The following ESAM variants were observed in gnomAD, a reference collection of about 807,000 sequenced individuals.
ESAM encodes the protein endothelial cell adhesion molecule, also known as endothelial cell-selective adhesion molecule.
In ESAM, 23 loss-of-function variants were observed where a neutral mutation model predicts 31.8. The ratio of observed to expected loss-of-function variants is 0.72; its 90% CI spans 0.52 to 1.03. The LOEUF is 1.03. ESAM is among the 50% of genes least tolerant of loss of function. ESAM has a pLI of 0.00. For synonymous variants in ESAM, 216 were observed against 207.2 expected (o/e 1.04, Z -0.37); for missense variants, 478 against 488.9 (o/e 0.98, Z 0.21).
intron 2 of ESAM, 28 bp downstream of exon 2, chr11:124,758,321 C>T (rs374197975): frequency 3.7e-6 from 6 of 1,613,754 alleles, no homozygotes; most frequent in Non-Finnish European, 5.1e-6. Context: ...CGCAACTTGC[C>T]GCTGGCTGAC....
chr11:124,761,683 C>T (rs1051790498), intron 1 of ESAM, among the ~76,000 whole-genome samples: 5 of 150,872 alleles, frequency 3.3e-5, no homozygotes, highest in Non-Finnish European at 7.4e-5. Flanking sequence ...TCCTCATCAG[C>T]TTGTATGTGG....
intron 1 of ESAM, 104 bp downstream of exon 1, chr11:124,761,981 G>A (rs1944235668): frequency 1.0e-6 from 1 of 1,002,322 alleles, no homozygotes; most frequent in East Asian, 2.8e-5. Flanking sequence ...GGAGGAGGGC[G>A]AGTCGTGGGA....
At chr11:124,761,468 T>G (rs1040286442) in intron 1 of ESAM, among the ~76,000 whole-genome samples, 2 of 150,740 alleles carry the variant, frequency 1.3e-5, no homozygotes, top group East Asian at 2.0e-4. Flanking sequence ...GGGGGTGGGG[T>G]GGTCACAATT....
rs1372297386 is a variant in ESAM, at chr11:124,759,662, G to C, written c.71-1135C>G. Among the ~76,000 whole-genome samples, 1 of 152,252 alleles carries C rather than the reference G, an allele frequency of 6.6e-6. No individual in the cohort carries two copies. Among genetic ancestry groups the C allele is most frequent in the East Asian group, 1.9e-4 (1 of 5,186 alleles). On this transcript the variant is annotated intron_variant, in intron 1 of 6. Transcript: ENST00000278927. This position sits in a 1 kb window ranked among gnomAD's most constrained non-coding sequence, Gnocchi z 6.8. ...GGCTGGGAGCCGATCCGGCCAGGAT[G>C]CAAGCCTCCCCCACCGCTTCCCGGC... is the stretch of plus-strand genomic sequence containing the variant.
Position 124,759,416 on chromosome 11 carries a change from A to T in ESAM, c.71-889T>A, listed in dbSNP as rs1244424816. On this transcript the variant is annotated intron_variant, in intron 1 of 6. Transcript: ENST00000278927. The surrounding 1 kb of genome is among the most constrained non-coding windows in gnomAD (Gnocchi z 6.8). Reference sequence around the variant, plus strand: ...GGAGGCAACAGAGCAGCCAACTGGTAAGCCCTTTGGGGAATAACCTTGGGC... The same window carrying T: ...GGAGGCAACAGAGCAGCCAACTGGTTAGCCCTTTGGGGAATAACCTTGGGC... 3.3e-5 allele frequency: 5 copies of T among 152,364 alleles called. No individual in the cohort carries two copies. Among genetic ancestry groups the T allele is most frequent in the African/African-American group, 1.2e-4 (5 of 41,472 alleles). 9.4% of individuals were successfully genotyped at this position (152,364 alleles called of 1,614,324 possible).
chr11:124,758,937 A>G (rs1405865696), intron 1 of ESAM, among the ~76,000 whole-genome samples: 6 of 152,090 alleles, frequency 3.9e-5, no homozygotes, highest in East Asian at 1.9e-4. Flanking sequence ...CCTGAGGGAG[A>G]GTAGGGATGC....
In ESAM at chr11:124,754,731, G is replaced by T; in HGVS notation, c.640C>A (p.Leu214Ile). 6.2e-7 allele frequency: 1 copy of T among 1,614,076 alleles called. No individual in the cohort carries two copies. Among genetic ancestry groups the T allele is most frequent in the South Asian group, 1.1e-5 (1 of 91,072 alleles). Residue 214 changes from leucine (L) to isoleucine (I), a missense_variant, in exon 5 of 7, where the codon CTT (leucine) becomes ATT (isoleucine). Coordinates refer to ENST00000278927, the MANE Select transcript of ESAM (RefSeq NM_138961.3). This position sits in a 1 kb window ranked among gnomAD's most constrained non-coding sequence, Gnocchi z 4.5. The stretch of plus-strand genomic sequence containing the variant: ...TAGACTCCAGCCATGGAAGACGAAA[G>T]GTTGGTGAGGCTTAAAGACCCACGG... Reference protein sequence around the residue: ...VIRGSLSLTNLSSSMAGVYVC... With the variant: ...VIRGSLSLTNISSSMAGVYVC...
chr11:124,754,901 T>A lies in ESAM; in HGVS notation c.608-138A>T. 8.5e-7 allele frequency: 1 copy of A among 1,171,556 alleles called. No homozygotes were observed. Among genetic ancestry groups the A allele is most frequent in the Non-Finnish European group, 1.2e-6 (1 of 856,532 alleles). 72.6% of individuals were successfully genotyped at this position (1,171,556 alleles called of 1,614,324 possible). Reference sequence around the variant, plus strand: ...GTCTATTCCCTGATGGGGGGAGAGGTGTGACAGCTGGGCTTGGCTCCCAGC... The same window carrying A: ...GTCTATTCCCTGATGGGGGGAGAGGAGTGACAGCTGGGCTTGGCTCCCAGC... On this transcript the variant is annotated intron_variant, in intron 4 of 6. Transcript: ENST00000278927. This position sits in a 1 kb window ranked among gnomAD's most constrained non-coding sequence, Gnocchi z 4.5.
In ESAM at chr11:124,753,675, C is replaced by G; in HGVS notation, c.1144G>C (p.Ala382Pro). 2 of 1,613,852 alleles carry G rather than the reference C, an allele frequency of 1.2e-6. No homozygotes were observed. The highest frequency in any genetic ancestry group is 2.2e-5 in the South Asian group (2 of 91,086). ...RMGAVPVMVP[A>P]QSQAGSLV ...ACCAGAGAGCCAGCTTGACTCTGGG[C>G]AGGCACCATCACAGGCACAGCACCC... The change falls in exon 7 of 7, where the codon GCC becomes CCC. Residue 382 changes from alanine (A) to proline (P), a missense_variant. Physicochemically the swap from Ala to Pro is conservative, Grantham distance 27. Coordinates refer to ENST00000278927, the MANE Select transcript of ESAM (RefSeq NM_138961.3).
Position 124,754,350 on chromosome 11 carries a change from G to A in ESAM, c.731-10C>T, listed in dbSNP as rs1387194427. 2 of 1,613,520 alleles carry A rather than the reference G, an allele frequency of 1.2e-6. No individual in the cohort carries two copies. Among genetic ancestry groups the A allele is most frequent in the Admixed American group, 3.3e-5 (2 of 59,960 alleles). ...ACTGCAGCTCCAGGCCCTGGAAAAG[G>A]CGTCGTGTCAGAGGAGGACACCCAG... is the stretch of plus-strand genomic sequence containing the variant. On this transcript the variant is annotated splice_polypyrimidine_tract_variant and intron_variant, in intron 5 of 6. Transcript: ENST00000278927. This position sits in a 1 kb window ranked among gnomAD's most constrained non-coding sequence, Gnocchi z 4.5.
Position 124,754,354 on chromosome 11 carries a change from C to T in ESAM, c.731-14G>A, listed in dbSNP as rs374024031. 35 of 1,613,252 alleles carry T rather than the reference C, an allele frequency of 2.2e-5. No individual in the cohort carries two copies. In the East Asian group the frequency reaches 5.1e-4, roughly 24 times the overall value. On this transcript the variant is annotated splice_polypyrimidine_tract_variant and intron_variant, in intron 5 of 6. Transcript: ENST00000278927. This position sits in a 1 kb window ranked among gnomAD's most constrained non-coding sequence, Gnocchi z 4.5. ...CAGCTCCAGGCCCTGGAAAAGGCGT[C>T]GTGTCAGAGGAGGACACCCAGCTGA...
Position 124,756,339 on chromosome 11 carries a change from G to A in ESAM, c.475C>T (p.Arg159Cys), listed in dbSNP as rs377500728. 51 of 1,608,424 alleles carry A rather than the reference G, an allele frequency of 3.2e-5. No homozygotes were observed. Among genetic ancestry groups the A allele is most frequent in the East Asian group, 2.5e-4 (11 of 44,786 alleles). ...VLVPPAPPSC[R>C]LQGVPHVGAN... Reference sequence around the variant, plus strand: ...CCCACATGGGGCACACCCTGGAGACGGCAGGATGGAGGAGCTGGAGGAACT... The same window carrying A: ...CCCACATGGGGCACACCCTGGAGACAGCAGGATGGAGGAGCTGGAGGAACT... The change falls in exon 4 of 7, where the codon CGT becomes TGT. Residue 159 changes from arginine to cysteine, a missense_variant. Arg to Cys is a radical substitution (Grantham distance 180). Transcript: ENST00000278927.
intron 2 of ESAM, 182 bp from the exon 3 acceptor site, chr11:124,756,924 C>T: frequency 1.6e-6 from 1 of 623,748 alleles, no homozygotes; most frequent in Non-Finnish European, 2.8e-6. Context: ...GCCCCTGGGT[C>T]CTCTTCACCA....
In ESAM at chr11:124,759,917, G is replaced by A. The variant is rs1944206667; in HGVS notation, c.71-1390C>T. On this transcript the variant is annotated intron_variant, in intron 1 of 6. Coordinates refer to ENST00000278927, the MANE Select transcript of ESAM (RefSeq NM_138961.3). This position sits in a 1 kb window ranked among gnomAD's most constrained non-coding sequence, Gnocchi z 6.8. ...CCGCTGGCCATTCCGCTGAGGCCGG[G>A]CACGCCTGGAGCCTGCAGGTGCTGC... Among the ~76,000 whole-genome samples the A allele has an allele frequency of 6.6e-6, 1 of 152,214 alleles. No homozygotes were observed.
intron 4 of ESAM, among the ~76,000 whole-genome samples, chr11:124,755,949 CACTAGAAGAGCTGGAATTTGA>C (rs1944147718): frequency 6.6e-6 from 1 of 152,162 alleles, no homozygotes; most frequent in East Asian, 1.9e-4. Context: ...CACAGCTAGT[CACTAGAAGAGCTGGAATTTGA>C]ACACAGACAC....
chr11:124,758,612 G>A (rs1944186785), intron 1 of ESAM, 85 bp from the exon 2 acceptor site: 1 of 1,408,502 alleles, frequency 7.1e-7, no homozygotes, highest in Non-Finnish European at 9.3e-7. Flanking sequence ...TCACCAGAGA[G>A]CGAGGAAAGT....
Position 124,756,702 on chromosome 11 carries a change from C to G in ESAM, c.290G>C (p.Gly97Ala). Reference protein sequence around the residue: ...YINGVTTSKPGVSLVYSMPSR... With the variant: ...YINGVTTSKPAVSLVYSMPSR... ...GGGCATGGAGTAGACCAAGGATACT[C>G]CAGGTTTGCTTGTTGTGACCCCATT... The change falls in exon 3 of 7, where the codon GGA becomes GCA. Residue 97 changes from glycine to alanine, a missense_variant. By Grantham distance (60) the Gly-to-Ala change is moderately conservative. Transcript: ENST00000278927. The G allele has an allele frequency of 6.2e-7, 1 of 1,614,138 alleles. No homozygotes were observed. Among genetic ancestry groups the G allele is most frequent in the Admixed American group, 1.7e-5 (1 of 60,022 alleles).
At chr11:124,758,552 T>G (rs773739714) in intron 1 of ESAM, 25 bp from the exon 2 acceptor site, 1 of 1,490,628 alleles carries the variant, frequency 6.7e-7, no homozygotes, top group South Asian at 1.3e-5. Flanking sequence ...GAGGCGTGAG[T>G]GCCCAGGACC....
At position 124,754,222 on chromosome 11, in the gene ESAM, A is replaced by G. The variant is rs756484529; in HGVS notation, c.849T>C (p.Asn283=). ...ACACCAGGGACACTTACTTGATATC[A>G]TTGGCTGGCTCCTCCAGGGCCTTGC... ...RRGKALEEPA[N]DIKEDAIAPR... is the part of the protein sequence containing the mutation. The change falls in exon 6 of 7, where the codon AAT becomes AAC. Residue 283 remains asparagine, a synonymous_variant. Coordinates refer to ENST00000278927, the MANE Select transcript of ESAM (RefSeq NM_138961.3). The surrounding 1 kb of genome is among the most constrained non-coding windows in gnomAD (Gnocchi z 4.5). 4.3e-6 allele frequency: 7 copies of G among 1,613,248 alleles called. No homozygotes were observed. In the South Asian group the frequency reaches 6.6e-5, roughly 15 times the overall value.
Sources: allele counts gnomAD v4.1 joint callset (sites outside exome capture counted in the v4.1 genomes callset), GRCh38; gene constraint gnomAD v4.1.1; non-coding constraint Gnocchi (gnomAD v3.1); transcripts MANE v1.5; gene names NCBI Gene and HGNC (gene_info 2026-07-23, HGNC 2026-07-21).